Variants in IMMP2L observed in about 807,000 individuals in gnomAD.
IMMP2L encodes inner mitochondrial membrane peptidase subunit 2.
In IMMP2L, 18 loss-of-function variants were observed where a neutral mutation model predicts 19.3. The ratio of observed to expected loss-of-function variants is 0.93; its 90% CI spans 0.64 to 1.38. The LOEUF (loss-of-function observed/expected upper bound fraction) is 1.38, where lower values mean the gene tolerates loss of function less well. Among genes scored for constraint, IMMP2L ranks in the 40% most tolerant of loss-of-function variants. The probability of loss-of-function intolerance (pLI) is 0.00; values close to 1 mark genes in which losing one functional copy is unlikely to be tolerated. For synonymous variants in IMMP2L, 76 were observed against 73.0 expected, an observed-to-expected ratio of 1.04 and a Z score of -0.21; for missense variants, 233 against 218.2, an observed-to-expected ratio of 1.07 and a Z score of -0.43.
intron 5 of IMMP2L, among the ~76,000 whole-genome samples, chr7:110,843,669 T>C (rs1189890829): frequency 1.3e-5 from 2 of 152,068 alleles, no homozygotes; most frequent in Non-Finnish European, 2.9e-5. Context: ...TAAATGTAAA[T>C]TACACATTGT....
chr7:111,531,242 A>G (rs955340493), intron 1 of IMMP2L, among the ~76,000 whole-genome samples: 14 of 151,466 alleles, frequency 9.2e-5, no homozygotes, highest in Admixed American at 9.2e-4. Context: ...GGCATGAGCC[A>G]CTGCGTCCGG....
chr7:111,063,242 G>A (rs1292532639), intron 3 of IMMP2L, among the ~76,000 whole-genome samples: 1 of 152,214 alleles, frequency 6.6e-6, no homozygotes, highest in Non-Finnish European at 1.5e-5. Context: ...CCAAGGTTTG[G>A]TGCTTGTGCC....
chr7:110,878,581 A>T (rs1809311375), intron 5 of IMMP2L, among the ~76,000 whole-genome samples: 2 of 152,012 alleles, frequency 1.3e-5, no homozygotes, highest in African/African-American at 4.8e-5. Flanking sequence ...ATCTATACTA[A>T]ATACAGTTAA....
At chr7:111,069,160 T>G (rs753566312) in intron 3 of IMMP2L, among the ~76,000 whole-genome samples, 3 of 152,210 alleles carry the variant, frequency 2.0e-5, no homozygotes, top group Admixed American at 6.5e-5. Flanking sequence ...CTAGGTCTAT[T>G]AAAGCAAACA....
chr7:111,316,204 A>G (rs957558069), intron 3 of IMMP2L, among the ~76,000 whole-genome samples: 10 of 152,180 alleles, frequency 6.6e-5, no homozygotes, highest in Admixed American at 2.6e-4. Flanking sequence ...ACATGGCTGT[A>G]TCTGAGAGTA....
chr7:111,549,288 T>C (rs1563344695), intron 1 of IMMP2L, among the ~76,000 whole-genome samples: 1 of 152,144 alleles, frequency 6.6e-6, no homozygotes, highest in African/African-American at 2.4e-5. Context: ...ATAGGATTCT[T>C]ACAAACAGCT....
At chr7:110,714,866 A>T (rs1029594327) in intron 5 of IMMP2L, among the ~76,000 whole-genome samples, 1 of 152,132 alleles carries the variant, frequency 6.6e-6, no homozygotes, top group African/African-American at 2.4e-5. Flanking sequence ...AAGTGCTGGG[A>T]TTACAGGCGT....
Position 110,936,663 on chromosome 7 carries a change from C to G in IMMP2L, c.305+26837G>C, listed in dbSNP as rs10238272. 9.7e-3 allele frequency among the ~76,000 whole-genome samples: 1,478 copies of G among 152,172 alleles called. 20 individuals carry two copies. Among genetic ancestry groups the G allele is most frequent in the African/African-American group, 0.033 (1,365 of 41,490 alleles). ...GTGGTGATTCCTCAAGGATCTAGAACCAGAAATGCCATTTGACCCAACCAT... is the reference window on the plus strand; with the variant it reads ...GTGGTGATTCCTCAAGGATCTAGAAGCAGAAATGCCATTTGACCCAACCAT... On this transcript the variant is annotated intron_variant, in intron 4 of 5. Transcript: ENST00000405709.
intron 4 of IMMP2L, among the ~76,000 whole-genome samples, chr7:110,952,402 T>A (rs1044950148): frequency 1.3e-5 from 2 of 152,262 alleles, no homozygotes; most frequent in Admixed American, 6.5e-5. Context: ...AGCATTCCAA[T>A]AATGGAACAC....
At chr7:111,365,711 G>C (rs890824290) in intron 3 of IMMP2L, among the ~76,000 whole-genome samples, 18 of 151,918 alleles carry the variant, frequency 1.2e-4, no homozygotes, top group Non-Finnish European at 4.4e-5. Flanking sequence ...TATGAAACTT[G>C]GTTTTATGAA....
intron 3 of IMMP2L, among the ~76,000 whole-genome samples, chr7:110,998,057 T>C (rs1184997706): frequency 2.0e-5 from 3 of 152,132 alleles, no homozygotes; most frequent in African/African-American, 7.2e-5. Context: ...TTATTCTTAA[T>C]AGAGAATCAA....
At chr7:111,024,190 A>G (rs62464043) in intron 3 of IMMP2L, among the ~76,000 whole-genome samples, 4,050 of 152,314 alleles carry the variant, frequency 0.027, 74 homozygotes, top group Middle Eastern at 0.088. Context: ...CCCTTCAAAA[A>G]TATAGCTTTA....
At chr7:111,198,719 G>A (rs1809767179) in intron 3 of IMMP2L, among the ~76,000 whole-genome samples, 1 of 152,018 alleles carries the variant, frequency 6.6e-6, no homozygotes, top group African/African-American at 2.4e-5. Context: ...CCTTTATGAA[G>A]CATTTTTCCC....
At chr7:110,976,300 G>A (rs1030796711) in intron 3 of IMMP2L, among the ~76,000 whole-genome samples, 7 of 151,822 alleles carry the variant, frequency 4.6e-5, no homozygotes, top group African/African-American at 1.5e-4. Flanking sequence ...ATACATATAC[G>A]AAGATATTGC....
intron 5 of IMMP2L, among the ~76,000 whole-genome samples, chr7:110,835,043 T>C (rs1804312783): frequency 6.6e-6 from 1 of 152,088 alleles, no homozygotes; most frequent in Non-Finnish European, 1.5e-5. Context: ...CAGAGAAAGA[T>C]TCATCACCTG....
intron 3 of IMMP2L, among the ~76,000 whole-genome samples, chr7:111,225,819 TTGTTTCAGTG>T (rs972047227): frequency 1.3e-5 from 2 of 152,100 alleles, no homozygotes; most frequent in Non-Finnish European, 2.9e-5. Context: ...GACTTGCATG[TTGTTTCAGTG>T]TGATTTTGCT....
At chr7:110,923,040 G>A (rs188686005) in intron 4 of IMMP2L, among the ~76,000 whole-genome samples, 5 of 152,162 alleles carry the variant, frequency 3.3e-5, no homozygotes, top group African/African-American at 7.2e-5. Flanking sequence ...TGTGGTGATC[G>A]TGCCTATGGC....
chr7:111,386,030 G>T (rs993508190), intron 3 of IMMP2L, among the ~76,000 whole-genome samples: 1 of 151,410 alleles, frequency 6.6e-6, no homozygotes, highest in Non-Finnish European at 1.5e-5. Context: ...ACAACCACAT[G>T]CCACCACTCC....
chr7:110,965,389 A>G (rs1819426767), intron 3 of IMMP2L, among the ~76,000 whole-genome samples: 1 of 152,032 alleles, frequency 6.6e-6, no homozygotes, highest in Admixed American at 6.6e-5. Context: ...ATATTTCACA[A>G]TATGTCTTGC....
Sources: allele counts gnomAD v4.1 joint callset (sites outside exome capture counted in the v4.1 genomes callset), GRCh38; gene constraint gnomAD v4.1.1; transcripts MANE v1.5; gene names NCBI Gene and HGNC (gene_info 2026-07-23, HGNC 2026-07-21).